The following PARD3B variants were observed in gnomAD, a reference collection of about 807,000 sequenced individuals.
The protein encoded by PARD3B is par-3 family cell polarity regulator beta.
PARD3B carries 103 observed loss-of-function variants against 130.2 expected under a neutral mutation model. The ratio of observed to expected loss-of-function variants is 0.79; its 90% CI spans 0.67 to 0.93. The LOEUF is 0.93. PARD3B is among the 40% of genes least tolerant of loss of function. The pLI, the probability that PARD3B is intolerant of heterozygous loss-of-function variation, is 0.00. For missense variants in PARD3B, 1,609 were observed against 1,499.2 expected, an observed-to-expected ratio of 1.07 and a Z score of -1.21; for synonymous variants, 583 against 553.2, an observed-to-expected ratio of 1.05 and a Z score of -0.76.
chr2:204,840,121 T>G (rs1272211676), intron 2 of PARD3B, among the ~76,000 whole-genome samples: 2 of 152,158 alleles, frequency 1.3e-5, no homozygotes, highest in Non-Finnish European at 2.9e-5. Flanking sequence ...ATTAAGGTAG[T>G]TAATGTAGCA....
intron 1 of PARD3B, among the ~76,000 whole-genome samples, chr2:204,655,239 TC>T (rs2035603360): frequency 6.6e-6 from 1 of 152,206 alleles, no homozygotes; most frequent in Admixed American, 6.5e-5. Flanking sequence ...TAAGCAACAC[TC>T]CTGCATTCAA....
At chr2:205,118,274 T>C (rs2030148207) in intron 6 of PARD3B, among the ~76,000 whole-genome samples, 1 of 152,208 alleles carries the variant, frequency 6.6e-6, no homozygotes, top group Non-Finnish European at 1.5e-5. Flanking sequence ...TGTTAATGTC[T>C]TTAGTTTTTG....
chr2:205,172,019 A>G (rs956440890), intron 11 of PARD3B, among the ~76,000 whole-genome samples, 192 bp from the exon 12 acceptor site: 3 of 152,284 alleles, frequency 2.0e-5, no homozygotes, highest in African/African-American at 7.2e-5. Context: ...CACACAATTC[A>G]TTATCACTGG....
chr2:205,598,476 C>T (rs1575453045), intron 22 of PARD3B, among the ~76,000 whole-genome samples: 1 of 152,048 alleles, frequency 6.6e-6, no homozygotes, highest in South Asian at 2.1e-4. Flanking sequence ...AAAATAAATT[C>T]TTAGAGACCT....
At chr2:204,935,995 C>T (rs577162478) in intron 2 of PARD3B, among the ~76,000 whole-genome samples, 1 of 152,038 alleles carries the variant, frequency 6.6e-6, no homozygotes, top group Non-Finnish European at 1.5e-5. Flanking sequence ...CTGGGAAGGC[C>T]CTAAGTGTCT....
intron 20 of PARD3B, among the ~76,000 whole-genome samples, chr2:205,497,329 G>A (rs920415257): frequency 2.0e-5 from 3 of 152,030 alleles, no homozygotes; most frequent in South Asian, 2.1e-4. Context: ...CGAACTGTCA[G>A]GGAGCAGCCA....
intron 20 of PARD3B, among the ~76,000 whole-genome samples, chr2:205,464,033 C>A (rs1178342339): frequency 3.9e-5 from 6 of 152,034 alleles, no homozygotes; most frequent in Non-Finnish European, 8.8e-5. Context: ...TAAGAAAGTA[C>A]TCCATAATTC....
intron 4 of PARD3B, among the ~76,000 whole-genome samples, chr2:205,098,717 T>C (rs773806166): frequency 2.0e-5 from 3 of 152,130 alleles, no homozygotes; most frequent in Non-Finnish European, 4.4e-5. Flanking sequence ...GGAGAGACCG[T>C]TGCCCCTCTT....
rs561237100 is a variant in PARD3B at position 204,630,806 on chromosome 2, A to G, written c.121-55375A>G. 5.8e-4 allele frequency among the ~76,000 whole-genome samples: 88 copies of G among 152,212 alleles called. 1 individual carries two copies. Among genetic ancestry groups the G allele is most frequent in the Middle Eastern group, 6.8e-3 (2 of 294 alleles). On this transcript the variant is annotated intron_variant, in intron 1 of 22. Transcript: ENST00000406610. The stretch of plus-strand genomic sequence containing the variant: ...TGGTTGTATTTCTGTGGGGTCAGTG[A>G]TAATATCCCACTTATCATTTCTGAT...
rs527930926 is a variant in PARD3B at position 205,414,987 on chromosome 2, A to G, written c.2741+13864A>G. 2.0e-5 allele frequency among the ~76,000 whole-genome samples: 3 copies of G among 152,280 alleles called. No individual in the cohort carries two copies. The South Asian group carries it at 6.2e-4, about 32-fold the overall frequency. ...CAAGATAATGTATGGTGTGATTCAC[A>G]TGTTTTTAATCTGGTTATAGTGGAT... On this transcript the variant is annotated intron_variant, in intron 19 of 22. Coordinates refer to ENST00000406610, the MANE Select transcript of PARD3B (RefSeq NM_001302769.2).
chr2:205,104,302 G>T (rs1703036638), intron 4 of PARD3B, 124 bp from the exon 5 acceptor site: 1 of 639,544 alleles, frequency 1.6e-6, no homozygotes, highest in Middle Eastern at 2.6e-4. Flanking sequence ...AGTTTTCAAA[G>T]AAATTAGAGC....
rs573851968 is a variant in PARD3B at position 205,318,729 on chromosome 2, A to G, written c.2630+17028A>G. Among the ~76,000 whole-genome samples, 3 of 152,300 alleles carry G rather than the reference A, an allele frequency of 2.0e-5. No homozygotes were observed. The East Asian group carries it at 5.8e-4, about 29-fold the overall frequency. ...TTCCAACAAATGCAGACATGGGGAC[A>G]TGGTAAGTAATTCTCATCCCCTGGG... On this transcript the variant is annotated intron_variant, in intron 18 of 22. Transcript: ENST00000406610.
rs2034313078 is a variant in PARD3B at position 205,158,469 on chromosome 2, G to C, written c.1435-253G>C. ...GAGGTGTTTCAGATTGCATCGCTCT[G>C]ACTTGCCAAACGATCCTCTCTATTG... is the stretch of plus-strand genomic sequence containing the variant. On this transcript the variant is annotated intron_variant, in intron 10 of 22. Coordinates refer to ENST00000406610, the MANE Select transcript of PARD3B (RefSeq NM_001302769.2). The surrounding 1 kb of genome is among the most constrained non-coding windows in gnomAD (Gnocchi z 5.4). Among the ~76,000 whole-genome samples the C allele has an allele frequency of 6.6e-6, 1 of 152,086 alleles. No individual in the cohort carries two copies.
Position 205,230,682 on chromosome 2 carries a change from C to A in PARD3B, c.2141-15096C>A, listed in dbSNP as rs562157702. 5.9e-5 allele frequency among the ~76,000 whole-genome samples: 9 copies of A among 152,256 alleles called. No homozygotes were observed. In the South Asian group the frequency reaches 1.9e-3, roughly 32 times the overall value. On this transcript the variant is annotated intron_variant, in intron 15 of 22. Coordinates refer to ENST00000406610, the MANE Select transcript of PARD3B (RefSeq NM_001302769.2). This position sits in a 1 kb window ranked among gnomAD's most constrained non-coding sequence, Gnocchi z 4.1. ...ACCCCCCAAGTCCACTTACTCCAAG[C>A]CCAGCACAGCATCAAGACTTGCCCA...
chr2:204,901,426 C>T (rs1031735834), intron 2 of PARD3B, among the ~76,000 whole-genome samples: 1 of 152,014 alleles, frequency 6.6e-6, no homozygotes, highest in Admixed American at 6.6e-5. Context: ...TCATTCAAGA[C>T]CCAAGGGCTC....
chr2:204,930,355 C>G (rs1335846592), intron 2 of PARD3B, among the ~76,000 whole-genome samples: 1 of 151,942 alleles, frequency 6.6e-6, no homozygotes, highest in Non-Finnish European at 1.5e-5. Context: ...TTGCATATAA[C>G]CTAAGCACAT....
At chr2:205,394,692 C>T (rs546213949) in intron 18 of PARD3B, among the ~76,000 whole-genome samples, 25 of 152,188 alleles carry the variant, frequency 1.6e-4, no homozygotes, top group Non-Finnish European at 3.1e-4. Flanking sequence ...CATGCTGCAA[C>T]AAAGATGAGT....
chr2:204,936,064 TAGTC>T (rs1031434393), intron 2 of PARD3B, among the ~76,000 whole-genome samples: 6 of 152,364 alleles, frequency 3.9e-5, no homozygotes, highest in Non-Finnish European at 7.3e-5. Flanking sequence ...TGGTTATAGA[TAGTC>T]AGTTTCAGTG....
chr2:205,489,809 G>A (rs1003706271), intron 20 of PARD3B, among the ~76,000 whole-genome samples: 6 of 151,930 alleles, frequency 3.9e-5, no homozygotes, highest in Non-Finnish European at 7.4e-5. Flanking sequence ...TTACACTGTC[G>A]GGGTCACTCC....
Sources: gnomAD v4.1 joint callset for allele counts (sites outside exome capture counted in the v4.1 genomes callset) on GRCh38, gnomAD v4.1.1 for gene constraint, Gnocchi (gnomAD v3.1) non-coding constraint, MANE v1.5 for transcripts, NCBI Gene and HGNC (gene_info 2026-07-23, HGNC 2026-07-21) for gene names.